Variants in SNTG1 observed in about 807,000 individuals in gnomAD.
SNTG1 encodes the protein gamma-1-syntrophin.
SNTG1 carries 39 observed loss-of-function variants against 74.7 expected under a neutral mutation model. The observed-to-expected ratio is 0.52, with a 90% CI of 0.40 to 0.68. The LOEUF (loss-of-function observed/expected upper bound fraction) is 0.68. Among genes scored for constraint, SNTG1 ranks in the 30% least tolerant of loss-of-function variants. The probability of loss-of-function intolerance (pLI) is 0.00; values close to 1 mark genes in which losing one functional copy is unlikely to be tolerated. For synonymous variants in SNTG1, 254 were observed against 217.1 expected, an observed-to-expected ratio of 1.17 and a Z score of -1.49; for missense variants, 685 against 609.5, an observed-to-expected ratio of 1.12 and a Z score of -1.30.
chr8:50,268,368 C>A (rs1350691121), intron 2 of SNTG1, among the ~76,000 whole-genome samples: 1 of 152,020 alleles, frequency 6.6e-6, no homozygotes, highest in Non-Finnish European at 1.5e-5. Flanking sequence ...GATTTAATAT[C>A]CATCAACATC....
chr8:50,629,795 A>T (rs949574014), intron 13 of SNTG1, among the ~76,000 whole-genome samples: 3 of 152,060 alleles, frequency 2.0e-5, no homozygotes, highest in African/African-American at 7.2e-5. Flanking sequence ...TAAATTCCTT[A>T]TTTTCTCTAC....
intron 2 of SNTG1, among the ~76,000 whole-genome samples, chr8:50,366,885 G>T (rs2092129059): frequency 7.0e-6 from 1 of 143,704 alleles, no homozygotes; most frequent in Non-Finnish European, 1.5e-5. Context: ...CTTCCATATT[G>T]GTTCTTAAAT....
chr8:50,766,725 G>A (rs2095614807), intron 18 of SNTG1, among the ~76,000 whole-genome samples: 2 of 151,842 alleles, frequency 1.3e-5, no homozygotes, highest in Non-Finnish European at 2.9e-5. Flanking sequence ...CTTGTTTACA[G>A]AAACTTATTG....
At chr8:50,242,984 G>A (rs1034331460) in intron 2 of SNTG1, among the ~76,000 whole-genome samples, 10 of 151,980 alleles carry the variant, frequency 6.6e-5, no homozygotes, top group Admixed American at 2.6e-4. Flanking sequence ...AGATCTATGA[G>A]TTTGTCTGTT....
intron 2 of SNTG1, among the ~76,000 whole-genome samples, chr8:50,325,470 G>T (rs966378958): frequency 1.3e-5 from 2 of 151,602 alleles, no homozygotes; most frequent in African/African-American, 4.8e-5. Flanking sequence ...TCATCTTTGG[G>T]GTGCTAATGT....
At chr8:50,432,578 C>T (rs1325225210) in intron 4 of SNTG1, among the ~76,000 whole-genome samples, 1 of 151,956 alleles carries the variant, frequency 6.6e-6, no homozygotes, top group Admixed American at 6.6e-5. Context: ...ATTGGAATTG[C>T]ATAGATTTTA....
chr8:50,594,951 A>T (rs1453772294), intron 13 of SNTG1, among the ~76,000 whole-genome samples: 1 of 151,890 alleles, frequency 6.6e-6, no homozygotes, highest in Non-Finnish European at 1.5e-5. Context: ...CATAATAATG[A>T]TGCATACCCT....
chr8:50,002,013 C>T (rs1814784456), intron 1 of SNTG1, among the ~76,000 whole-genome samples: 1 of 152,162 alleles, frequency 6.6e-6, no homozygotes, highest in African/African-American at 2.4e-5. Flanking sequence ...TAGACTACCG[C>T]TGTTTCTGAG....
In SNTG1 at chr8:50,328,555, T is replaced by C. The variant is rs1340273019; in HGVS notation, c.-27-65657T>C. Among the ~76,000 whole-genome samples, 4 of 152,198 alleles carry C rather than the reference T, an allele frequency of 2.6e-5. No homozygotes were observed. In the East Asian group the frequency reaches 7.7e-4, roughly 29 times the overall value. ...GAGAGAGCATGTGTGAAGGAGGTAC[T>C]GTCAAACACTTATAAAACCATCAGA... On this transcript the variant is annotated intron_variant, in intron 2 of 18. Transcript: ENST00000642720.
chr8:50,735,516 G>A (rs959629788), intron 17 of SNTG1, among the ~76,000 whole-genome samples: 3 of 151,572 alleles, frequency 2.0e-5, no homozygotes, highest in African/African-American at 7.3e-5. Context: ...CAGAAGAAAG[G>A]GTATCAGAGA....
intron 2 of SNTG1, among the ~76,000 whole-genome samples, chr8:50,291,296 G>A (rs534136102): frequency 1.3e-5 from 2 of 151,784 alleles, no homozygotes; most frequent in East Asian, 3.9e-4. Flanking sequence ...TAATGAAAAG[G>A]ACTGTGAAGA....
chr8:50,519,067 C>G (rs2094157752), intron 9 of SNTG1, among the ~76,000 whole-genome samples: 1 of 152,270 alleles, frequency 6.6e-6, no homozygotes, highest in Non-Finnish European at 1.5e-5. Context: ...AAGCAACTCT[C>G]AAAATGAATC....
rs544621625 is a variant in SNTG1 at position 50,155,602 on chromosome 8, A to C, written c.-102-16959A>C. 1.4e-3 allele frequency among the ~76,000 whole-genome samples: 208 copies of C among 152,198 alleles called. 2 individuals carry two copies. The highest frequency in any genetic ancestry group is 2.7e-3 in the Admixed American group (41 of 15,286). On this transcript the variant is annotated intron_variant, in intron 1 of 18. Transcript: ENST00000642720. ...ATTTGTAAATTAAGCTATGCACAGG[A>C]AACCACAAAATAAATGAGAAATTAT...
At chr8:49,931,055 CAA>C (rs954692203) in intron 1 of SNTG1, among the ~76,000 whole-genome samples, 61 of 152,222 alleles carry the variant, frequency 4.0e-4, no homozygotes, top group African/African-American at 1.3e-3. Flanking sequence ...TGCAATTCCC[CAA>C]AGAGGAAACC....
At chr8:50,253,959 G>A (rs1205725314) in intron 2 of SNTG1, among the ~76,000 whole-genome samples, 1 of 152,010 alleles carries the variant, frequency 6.6e-6, no homozygotes, top group Non-Finnish European at 1.5e-5. Flanking sequence ...TAATTACAAG[G>A]AATAGGTTGT....
At chr8:50,215,925 G>A (rs1163068798) in intron 2 of SNTG1, among the ~76,000 whole-genome samples, 1 of 152,162 alleles carries the variant, frequency 6.6e-6, no homozygotes, top group East Asian at 1.9e-4. Flanking sequence ...ACTTTCACTA[G>A]AATAGGCTTA....
chr8:50,001,457 T>A (rs1293780625), intron 1 of SNTG1, among the ~76,000 whole-genome samples: 2 of 151,940 alleles, frequency 1.3e-5, no homozygotes, highest in Non-Finnish European at 2.9e-5. Context: ...AGGACAAGAG[T>A]GAGGCCTTGT....
chr8:50,080,721 A>G (rs1486262710), intron 1 of SNTG1, among the ~76,000 whole-genome samples: 3 of 152,148 alleles, frequency 2.0e-5, no homozygotes, highest in Non-Finnish European at 4.4e-5. Flanking sequence ...CAACTGATCA[A>G]TTTGTTATTG....
chr8:50,715,589 AC>A (rs543167845), intron 17 of SNTG1, among the ~76,000 whole-genome samples: 56 of 152,324 alleles, frequency 3.7e-4, no homozygotes, highest in African/African-American at 1.3e-3. Context: ...GTTATAAGCT[AC>A]TGTATACTAT....
Sources: allele counts gnomAD v4.1 joint callset (sites outside exome capture counted in the v4.1 genomes callset), GRCh38; gene constraint gnomAD v4.1.1; transcripts MANE v1.5; gene names NCBI Gene and HGNC (gene_info 2026-07-23, HGNC 2026-07-21).